Variants in GRM7 observed in about 807,000 individuals in gnomAD.
The protein encoded by GRM7 is glutamate metabotropic receptor 7.
Under a neutral mutation model 84.5 loss-of-function variants are expected in GRM7, and 35 were observed. The observed-to-expected ratio is 0.41, with a 90% CI of 0.32 to 0.55. The LOEUF (loss-of-function observed/expected upper bound fraction) is 0.55, where lower values mean the gene tolerates loss of function less well. Ranked by LOEUF, GRM7 falls within the 20% of genes least tolerant of loss-of-function variation. GRM7 has a pLI of 0.19. For missense variants in GRM7, 1,003 were observed against 1,194.6 expected, an observed-to-expected ratio of 0.84 and a Z score of 2.36; for synonymous variants, 487 against 455.1, an observed-to-expected ratio of 1.07 and a Z score of -0.89.
intron 1 of GRM7, among the ~76,000 whole-genome samples, chr3:6,965,391 C>T (rs974564142): frequency 2.6e-5 from 4 of 152,074 alleles, no homozygotes; most frequent in Non-Finnish European, 1.5e-5. Flanking sequence ...GATCGTGGCT[C>T]ACTGCAGCCT....
intron 1 of GRM7, among the ~76,000 whole-genome samples, chr3:6,931,460 C>G (rs1575029711): frequency 6.6e-6 from 1 of 152,132 alleles, no homozygotes; most frequent in Non-Finnish European, 1.5e-5. Context: ...GCTGTAGAGT[C>G]CATTTCCAAA....
chr3:7,130,865 A>G (rs948797566), intron 1 of GRM7, among the ~76,000 whole-genome samples: 1 of 152,166 alleles, frequency 6.6e-6, no homozygotes, highest in Non-Finnish European at 1.5e-5. Context: ...ACAGTGTGCA[A>G]TGAAGGGAAC....
At chr3:7,129,352 A>G (rs1693515005) in intron 1 of GRM7, among the ~76,000 whole-genome samples, 1 of 152,200 alleles carries the variant, frequency 6.6e-6, no homozygotes, top group Non-Finnish European at 1.5e-5. Context: ...GCACATGATC[A>G]ACACTTATCC....
intron 9 of GRM7, among the ~76,000 whole-genome samples, chr3:7,689,454 T>G (rs192480529): frequency 6.6e-6 from 1 of 152,318 alleles, no homozygotes. Context: ...TATCTGACCT[T>G]TGACACTAAA....
At chr3:7,135,461 C>A (rs1462147667) in intron 1 of GRM7, among the ~76,000 whole-genome samples, 1 of 152,146 alleles carries the variant, frequency 6.6e-6, no homozygotes, top group African/African-American at 2.4e-5. Context: ...CAAAAATTCG[C>A]CTTTTACAAG....
chr3:7,029,302 AAAAAAAAAAAAAC>A (rs1265523514), intron 1 of GRM7, among the ~76,000 whole-genome samples: 5 of 78,180 alleles, frequency 6.4e-5, no homozygotes, highest in African/African-American at 1.8e-4. Flanking sequence ...ACTCTGCCTC[AAAAAAAAAAAAAC>A]AAAAAAAAAA....
At chr3:6,891,656 G>T (rs1272415416) in intron 1 of GRM7, among the ~76,000 whole-genome samples, 3 of 152,142 alleles carry the variant, frequency 2.0e-5, no homozygotes, top group African/African-American at 2.4e-5. Context: ...CTCTCTGGCT[G>T]CCCTTAACAT....
intron 2 of GRM7, among the ~76,000 whole-genome samples, chr3:7,179,793 T>G (rs1409304035): frequency 1.3e-5 from 2 of 152,202 alleles, no homozygotes; most frequent in Non-Finnish European, 2.9e-5. Flanking sequence ...GAGAGCAATC[T>G]GGCCAGGAAT....
chr3:7,628,466 A>AT (rs1697720648), intron 8 of GRM7, among the ~76,000 whole-genome samples: 1 of 152,136 alleles, frequency 6.6e-6, no homozygotes, highest in Non-Finnish European at 1.5e-5. Context: ...ATTTAAAACT[A>AT]TTTTGGATGT....
chr3:7,636,397 G>C, intron 8 of GRM7: 2 of 422,768 alleles, frequency 4.7e-6, no homozygotes, highest in Non-Finnish European at 9.6e-6. Context: ...GACACACACT[G>C]TCATTGTTTG....
At chr3:7,155,973 G>T (rs1325428538) in intron 2 of GRM7, among the ~76,000 whole-genome samples, 1 of 152,100 alleles carries the variant, frequency 6.6e-6, no homozygotes, top group Non-Finnish European at 1.5e-5. Context: ...ATAATCACTG[G>T]ACAGTATTAT....
intron 2 of GRM7, among the ~76,000 whole-genome samples, chr3:7,210,393 C>T (rs1250148484): frequency 3.9e-5 from 6 of 152,090 alleles, no homozygotes; most frequent in Non-Finnish European, 8.8e-5. Flanking sequence ...CTTGTAATAT[C>T]TTTGAAAGAT....
At chr3:7,330,467 CT>C (rs1174290381) in intron 4 of GRM7, among the ~76,000 whole-genome samples, 1 of 152,110 alleles carries the variant, frequency 6.6e-6, no homozygotes, top group Non-Finnish European at 1.5e-5. Flanking sequence ...TGGTTCGGCT[CT>C]GTTCCCACCC....
intron 7 of GRM7, among the ~76,000 whole-genome samples, chr3:7,538,174 A>G (rs1692658672): frequency 6.6e-6 from 1 of 152,142 alleles, no homozygotes; most frequent in Non-Finnish European, 1.5e-5. Context: ...CAATGACACA[A>G]TTTCAGCTCA....
intron 1 of GRM7, among the ~76,000 whole-genome samples, chr3:7,130,224 A>C (rs1213049324): frequency 6.6e-6 from 1 of 152,170 alleles, no homozygotes; most frequent in Non-Finnish European, 1.5e-5. Context: ...TCCCAAGTCC[A>C]GTCGAGATTT....
intron 1 of GRM7, among the ~76,000 whole-genome samples, chr3:6,950,950 C>G (rs1438855054): frequency 6.6e-6 from 1 of 152,230 alleles, no homozygotes. Context: ...CAGGTGCAGT[C>G]TGTCACCCCT....
At chr3:7,376,295 C>T (rs111317451) in intron 4 of GRM7, among the ~76,000 whole-genome samples, 9 of 152,238 alleles carry the variant, frequency 5.9e-5, no homozygotes, top group African/African-American at 2.2e-4. Flanking sequence ...CTAGTTTCTG[C>T]TCTGTGGCTG....
chr3:7,495,138 C>T (rs529760602), intron 7 of GRM7, among the ~76,000 whole-genome samples: 2 of 152,250 alleles, frequency 1.3e-5, no homozygotes, highest in Admixed American at 1.3e-4. Context: ...TGTGGACTGC[C>T]ATTCCAATGG....
intron 1 of GRM7, among the ~76,000 whole-genome samples, chr3:6,992,569 G>A (rs1397128520): frequency 6.6e-6 from 1 of 152,144 alleles, no homozygotes; most frequent in African/African-American, 2.4e-5. Flanking sequence ...GCGATAACAT[G>A]GAATGAAGTT....
Sources: gnomAD v4.1 joint callset for allele counts (sites outside exome capture counted in the v4.1 genomes callset) on GRCh38, gnomAD v4.1.1 for gene constraint, MANE v1.5 for transcripts, NCBI Gene and HGNC (gene_info 2026-07-23, HGNC 2026-07-21) for gene names.